FSTL5: variants seen among roughly 807,000 people sequenced by gnomAD.
The protein encoded by FSTL5 is follistatin like 5.
A neutral mutation model predicts 89.1 loss-of-function variants in FSTL5; 62 were observed. The ratio of observed to expected loss-of-function variants is 0.70; its 90% CI spans 0.57 to 0.86. FSTL5 has a LOEUF of 0.86. FSTL5 is among the 40% of genes least tolerant of loss of function. The pLI is 0.00. For missense variants in FSTL5, 1,057 were observed against 1,001.6 expected, an observed-to-expected ratio of 1.06 and a Z score of -0.75; for synonymous variants, 383 against 346.2, an observed-to-expected ratio of 1.11 and a Z score of -1.18.
intron 4 of FSTL5, among the ~76,000 whole-genome samples, chr4:161,797,245 T>C (rs977150259): frequency 6.6e-6 from 1 of 151,632 alleles, no homozygotes; most frequent in Non-Finnish European, 1.5e-5. Flanking sequence ...GGGTTGACTT[T>C]TTTTACTGGC....
chr4:162,006,147 T>C (rs1736610277), intron 3 of FSTL5, among the ~76,000 whole-genome samples: 1 of 152,008 alleles, frequency 6.6e-6, no homozygotes, highest in African/African-American at 2.4e-5. Flanking sequence ...ATGAGATGCT[T>C]GAGTGTCTTG....
chr4:162,129,903 C>T (rs532476284), intron 1 of FSTL5, among the ~76,000 whole-genome samples: 1 of 152,146 alleles, frequency 6.6e-6, no homozygotes, highest in Non-Finnish European at 1.5e-5. Context: ...GAGATTTACT[C>T]ATCACAAGAT....
intron 14 of FSTL5, among the ~76,000 whole-genome samples, chr4:161,456,426 T>A (rs551950021): frequency 6.6e-6 from 1 of 152,322 alleles, no homozygotes; most frequent in East Asian, 1.9e-4. Flanking sequence ...CATATTTTGC[T>A]TTCGTATTTG....
chr4:161,573,730 G>T (rs1265305864), intron 8 of FSTL5, among the ~76,000 whole-genome samples: 1 of 12,868 alleles, frequency 7.8e-5, no homozygotes, highest in African/African-American at 3.7e-4. Flanking sequence ...AGAAACTCCA[G>T]CTCAAAAAAA....
chr4:161,702,973 G>C (rs1025327241), intron 6 of FSTL5, among the ~76,000 whole-genome samples: 14 of 152,024 alleles, frequency 9.2e-5, no homozygotes, highest in Non-Finnish European at 2.9e-5. Flanking sequence ...ATGAGACATT[G>C]GGGTGGGCTC....
At chr4:161,905,138 T>C (rs2110808145) in intron 4 of FSTL5, among the ~76,000 whole-genome samples, 1 of 152,226 alleles carries the variant, frequency 6.6e-6, no homozygotes, top group East Asian at 1.9e-4. Context: ...ACACACTTTA[T>C]ACAAAATTAA....
chr4:161,757,037 C>T (rs1740594439), intron 6 of FSTL5, among the ~76,000 whole-genome samples: 1 of 151,996 alleles, frequency 6.6e-6, no homozygotes, highest in African/African-American at 2.4e-5. Flanking sequence ...TAGTAAAATG[C>T]CCAAAATAAT....
intron 8 of FSTL5, among the ~76,000 whole-genome samples, chr4:161,559,718 T>C (rs904996314): frequency 1.3e-5 from 2 of 151,948 alleles, no homozygotes; most frequent in African/African-American, 4.8e-5. Context: ...ATAATATATA[T>C]ATCATATGCA....
At chr4:161,699,569 A>G (rs1479967432) in intron 6 of FSTL5, among the ~76,000 whole-genome samples, 1 of 152,198 alleles carries the variant, frequency 6.6e-6, no homozygotes, top group Non-Finnish European at 1.5e-5. Flanking sequence ...GCTTTTCATT[A>G]TTTCATAGAA....
At chr4:161,543,504 G>A (rs1731903542) in intron 8 of FSTL5, among the ~76,000 whole-genome samples, 1 of 151,674 alleles carries the variant, frequency 6.6e-6, no homozygotes, top group Admixed American at 6.6e-5. Flanking sequence ...AATTACAGGA[G>A]ACCCCCAAGT....
chr4:161,490,990 C>T (rs979626659), intron 12 of FSTL5, among the ~76,000 whole-genome samples: 1 of 151,902 alleles, frequency 6.6e-6, no homozygotes. Flanking sequence ...TAGCTCTGTA[C>T]CTACCTTCAT....
At chr4:161,545,685 G>A (rs997695896) in intron 8 of FSTL5, among the ~76,000 whole-genome samples, 12 of 151,766 alleles carry the variant, frequency 7.9e-5, no homozygotes, top group Admixed American at 6.6e-5. Flanking sequence ...CTCTGTACTG[G>A]GTTACTAGTT....
At chr4:162,072,965 C>T (rs1019894747) in intron 2 of FSTL5, among the ~76,000 whole-genome samples, 1 of 151,702 alleles carries the variant, frequency 6.6e-6, no homozygotes, top group Admixed American at 6.6e-5. Context: ...TTGACTATTG[C>T]CTTTGACCTT....
intron 4 of FSTL5, among the ~76,000 whole-genome samples, chr4:161,806,349 A>G (rs1729965378): frequency 6.6e-6 from 1 of 152,152 alleles, no homozygotes; most frequent in Non-Finnish European, 1.5e-5. Context: ...GAGTGTGTCC[A>G]TTTCTGCCAC....
chr4:161,388,498 A>G (rs898501633), intron 15 of FSTL5: 4 of 152,088 alleles, frequency 2.6e-5, no homozygotes, highest in South Asian at 4.1e-4. Context: ...TAAACATCAT[A>G]AGTACCACTA....
At chr4:161,668,469 A>G (rs916466488) in intron 6 of FSTL5, among the ~76,000 whole-genome samples, 2 of 152,300 alleles carry the variant, frequency 1.3e-5, no homozygotes, top group East Asian at 1.9e-4. Flanking sequence ...ATCCCCTACA[A>G]TCTCTTTCAC....
chr4:161,855,262 C>T (rs554510788), intron 4 of FSTL5, among the ~76,000 whole-genome samples: 3 of 152,094 alleles, frequency 2.0e-5, no homozygotes, highest in South Asian at 4.1e-4. Context: ...ATAAGGTGTC[C>T]TTGGAGAGCT....
At chr4:162,019,916 C>A (rs1019287745) in intron 3 of FSTL5, among the ~76,000 whole-genome samples, 1 of 149,396 alleles carries the variant, frequency 6.7e-6, no homozygotes, top group African/African-American at 2.4e-5. Flanking sequence ...ACTTTAGAGA[C>A]ATTGTTGTGA....
At chr4:161,777,079 T>C (rs1027628230) in intron 4 of FSTL5, among the ~76,000 whole-genome samples, 1 of 151,974 alleles carries the variant, frequency 6.6e-6, no homozygotes, top group Non-Finnish European at 1.5e-5. Flanking sequence ...TCTACAGCCA[T>C]GACTTCAATT....
Sources: allele counts gnomAD v4.1 joint callset (sites outside exome capture counted in the v4.1 genomes callset), GRCh38; gene constraint gnomAD v4.1.1; transcripts MANE v1.5; gene names NCBI Gene and HGNC (gene_info 2026-07-23, HGNC 2026-07-21).